The following LRRC4C variants were observed in gnomAD, a reference collection of about 807,000 sequenced individuals.
The protein encoded by LRRC4C is leucine-rich repeat-containing protein 4C.
In LRRC4C, 5 loss-of-function variants were observed where a neutral mutation model predicts 33.6. That is an observed-to-expected ratio of 0.15 (90% CI 0.08 to 0.31). The LOEUF is 0.31. Ranked by LOEUF, LRRC4C falls within the 10% of genes least tolerant of loss-of-function variation. The pLI, the probability that LRRC4C is intolerant of heterozygous loss-of-function variation, is 1.00. For synonymous variants in LRRC4C, 329 were observed against 302.0 expected (o/e 1.09, Z -0.93); for missense variants, 560 against 796.7 (o/e 0.70, Z 3.58).
chr11:41,359,987 G>T (rs561039438), intron 1 of LRRC4C, among the ~76,000 whole-genome samples: 6 of 152,030 alleles, frequency 3.9e-5, no homozygotes, highest in African/African-American at 1.4e-4. Context: ...GTTTGAGCCC[G>T]GCCTGACCAA....
intron 2 of LRRC4C, among the ~76,000 whole-genome samples, chr11:40,805,052 C>T (rs1283680175): frequency 6.6e-6 from 1 of 152,150 alleles, no homozygotes; most frequent in East Asian, 1.9e-4. Context: ...TAAAACCTAT[C>T]CCTCCATGCT....
intron 3 of LRRC4C, among the ~76,000 whole-genome samples, chr11:40,370,563 G>A (rs111581800): frequency 4.3e-4 from 66 of 152,166 alleles, no homozygotes; most frequent in South Asian, 1.2e-3. Flanking sequence ...AGCAAGGCCC[G>A]CAAATCCAAC....
At chr11:40,921,417 C>T (rs190983566) in intron 2 of LRRC4C, among the ~76,000 whole-genome samples, 1 of 152,088 alleles carries the variant, frequency 6.6e-6, no homozygotes, top group African/African-American at 2.4e-5. Context: ...GACAGCCAGC[C>T]AGGAGAAAAA....
chr11:40,946,123 T>C (rs1006435817), intron 1 of LRRC4C, among the ~76,000 whole-genome samples: 16 of 152,106 alleles, frequency 1.1e-4, no homozygotes, highest in African/African-American at 3.9e-4. Flanking sequence ...GTGTCTATTG[T>C]CAGTGTCTTT....
intron 3 of LRRC4C, among the ~76,000 whole-genome samples, chr11:40,388,810 CTG>C (rs1300121462): frequency 6.6e-6 from 1 of 152,180 alleles, no homozygotes; most frequent in Non-Finnish European, 1.5e-5. Flanking sequence ...AGTCTCATCT[CTG>C]TGTTTTTGTC....
intron 1 of LRRC4C, among the ~76,000 whole-genome samples, chr11:41,135,524 T>C (rs1417471056): frequency 6.6e-6 from 1 of 152,124 alleles, no homozygotes; most frequent in Admixed American, 6.5e-5. Flanking sequence ...TTGGACTTTC[T>C]AGGAAGTTAT....
Position 40,512,722 on chromosome 11 carries a change from G to A in LRRC4C, c.-270+135420C>T, listed in dbSNP as rs111306124. ...GCCACCTTAAAGATCAATCCTAGCCGTGCAAAATGCCACGTCTGCGAAATT... is the reference window on the plus strand; with the variant it reads ...GCCACCTTAAAGATCAATCCTAGCCATGCAAAATGCCACGTCTGCGAAATT... On this transcript the variant is annotated intron_variant, in intron 3 of 6. Coordinates refer to ENST00000528697, the MANE Select transcript of LRRC4C (RefSeq NM_001258419.2). Among the ~76,000 whole-genome samples the A allele has an allele frequency of 6.7e-3, 1,024 of 152,274 alleles. 17 individuals are homozygous for A. The highest frequency in any genetic ancestry group is 0.024 in the African/African-American group (978 of 41,554).
chr11:40,629,901 T>C (rs1277732002), intron 3 of LRRC4C, among the ~76,000 whole-genome samples: 1 of 152,170 alleles, frequency 6.6e-6, no homozygotes, highest in Non-Finnish European at 1.5e-5. Context: ...ATACAGAGCA[T>C]ATGTTAAATG....
At chr11:41,378,341 AT>A (rs1421373422) in intron 1 of LRRC4C, among the ~76,000 whole-genome samples, 2 of 152,104 alleles carry the variant, frequency 1.3e-5, no homozygotes, top group Non-Finnish European at 2.9e-5. Context: ...TCCATTTCAC[AT>A]TTTTTTCTTT....
chr11:40,916,367 A>G (rs1411539258), intron 2 of LRRC4C, among the ~76,000 whole-genome samples: 1 of 152,240 alleles, frequency 6.6e-6, no homozygotes, highest in Admixed American at 6.5e-5. Context: ...CTATGCAGCC[A>G]TGAAAAATGA....
intron 3 of LRRC4C, among the ~76,000 whole-genome samples, chr11:40,457,525 G>A (rs1195934873): frequency 2.0e-5 from 3 of 151,942 alleles, no homozygotes; most frequent in Non-Finnish European, 4.4e-5. Flanking sequence ...TGTGCATTTC[G>A]CAGTTCCATT....
intron 4 of LRRC4C, among the ~76,000 whole-genome samples, chr11:40,280,996 G>T (rs1943434980): frequency 6.6e-6 from 1 of 152,270 alleles, no homozygotes; most frequent in African/African-American, 2.4e-5. Context: ...GAGAACAAAA[G>T]AAAGGACAGA....
intron 3 of LRRC4C, among the ~76,000 whole-genome samples, chr11:40,349,011 C>T (rs1183592085): frequency 2.6e-5 from 4 of 152,066 alleles, no homozygotes; most frequent in Admixed American, 1.3e-4. Context: ...GCATATAATG[C>T]ATAATAATCA....
Position 40,864,211 on chromosome 11 carries a change from G to A in LRRC4C, c.-407+69424C>T, listed in dbSNP as rs1356893081. Among the ~76,000 whole-genome samples the A allele has an allele frequency of 3.3e-5, 5 of 152,150 alleles. No homozygotes were observed. The East Asian group carries it at 9.7e-4, about 30-fold the overall frequency. ...AGCTTCCTGAGTAGCTGGGACTACA[G>A]GTGTGTGCCACCATGCCTGGCTAAT... is the stretch of plus-strand genomic sequence containing the variant. On this transcript the variant is annotated intron_variant, in intron 2 of 6. Transcript: ENST00000528697.
At position 40,418,234 on chromosome 11, in the gene LRRC4C, A is replaced by G. The variant is rs550104013; in HGVS notation, c.-269-98513T>C. Among the ~76,000 whole-genome samples, 4 of 152,338 alleles carry G rather than the reference A, an allele frequency of 2.6e-5. No individual in the cohort carries two copies. The East Asian group carries it at 5.8e-4, about 22-fold the overall frequency. On this transcript the variant is annotated intron_variant, in intron 3 of 6. Transcript: ENST00000528697. ...ATAGAAAGACAAAGGTCTAATATCC[A>G]GAATCTACATGGAACTTAAAAAAAT...
At chr11:41,134,922 C>T (rs1481056891) in intron 1 of LRRC4C, among the ~76,000 whole-genome samples, 2 of 152,110 alleles carry the variant, frequency 1.3e-5, no homozygotes, top group Non-Finnish European at 2.9e-5. Context: ...CACCCCAAGC[C>T]ATTTGTTTTA....
At chr11:40,899,265 G>T (rs569595974) in intron 2 of LRRC4C, among the ~76,000 whole-genome samples, 14 of 152,174 alleles carry the variant, frequency 9.2e-5, no homozygotes, top group African/African-American at 3.1e-4. Flanking sequence ...TGCATTTCTT[G>T]AACTTCCTTA....
intron 2 of LRRC4C, among the ~76,000 whole-genome samples, chr11:40,651,212 A>G (rs1050410123): frequency 6.6e-6 from 1 of 152,186 alleles, no homozygotes; most frequent in African/African-American, 2.4e-5. Context: ...AGTTTTGATC[A>G]GTGTCATTCT....
At chr11:40,695,268 C>T (rs1006578635) in intron 2 of LRRC4C, among the ~76,000 whole-genome samples, 1 of 152,122 alleles carries the variant, frequency 6.6e-6, no homozygotes, top group Non-Finnish European at 1.5e-5. Flanking sequence ...AATAAGTATA[C>T]TCGGACTAGT....
Sources: gnomAD v4.1 joint callset for allele counts (sites outside exome capture counted in the v4.1 genomes callset) on GRCh38, gnomAD v4.1.1 for gene constraint, MANE v1.5 for transcripts, NCBI Gene and HGNC (gene_info 2026-07-23, HGNC 2026-07-21) for gene names.